Variants in FANCD2OS observed in about 807,000 individuals in gnomAD.
FANCD2OS encodes FANCD2 opposite strand, also known as FANCD2 opposite strand protein.
Under a neutral mutation model 13.2 loss-of-function variants are expected in FANCD2OS, and 11 were observed. The ratio of observed to expected loss-of-function variants is 0.83; its 90% CI spans 0.52 to 1.38. FANCD2OS has a LOEUF of 1.38. Ranked by LOEUF, FANCD2OS falls within the 40% of genes most tolerant of loss-of-function variation. The pLI, the probability that FANCD2OS is intolerant of heterozygous loss-of-function variation, is 0.00. For missense variants in FANCD2OS, 217 were observed against 213.9 expected (o/e 1.01, Z -0.09); for synonymous variants, 69 against 84.5 (o/e 0.82, Z 1.01).
chr3:10,107,209 T>C (rs1695519569), intron 1 of FANCD2OS, among the ~76,000 whole-genome samples: 1 of 152,054 alleles, frequency 6.6e-6, no homozygotes, highest in Non-Finnish European at 1.5e-5. Context: ...GGGCGGAGGG[T>C]ATGAATGCTG....
At chr3:10,104,969 A>G (rs1228892021) in intron 1 of FANCD2OS, among the ~76,000 whole-genome samples, 187 bp from the exon 2 acceptor site, 2 of 152,056 alleles carry the variant, frequency 1.3e-5, no homozygotes, top group African/African-American at 4.8e-5. Flanking sequence ...TTTTTGAGAC[A>G]AGAGTCTCGC....
In FANCD2OS at chr3:10,094,296, G is replaced by A. The variant is rs781701459; in HGVS notation, c.*43+9902C>T. The A allele has an allele frequency of 2.0e-5, 33 of 1,613,670 alleles. No homozygotes were observed. The highest frequency in any genetic ancestry group is 1.1e-4 in the East Asian group (5 of 44,892). ...TGTGTCTCTCTTCTTCAGTATGGGC[G>A]TCTCTTTGTGGAAGCATTTCTGAAG... On this transcript the variant is annotated intron_variant, in intron 2 of 2. Coordinates refer to the FANCD2OS transcript ENST00000524279.
At chr3:10,094,464 C>T (rs887246650) in intron 2 of FANCD2OS, 1 of 971,728 alleles carries the variant, frequency 1.0e-6, no homozygotes, top group Admixed American at 1.7e-5. Context: ...TCTACCTGGG[C>T]TCCTCTGGTC....
downstream of FANCD2OS, among the ~76,000 whole-genome samples, chr3:10,099,923 G>C (rs917085630): frequency 6.6e-6 from 1 of 151,630 alleles, no homozygotes; most frequent in Non-Finnish European, 1.5e-5. Flanking sequence ...TGGCCTGATG[G>C]GGTGGCTCAC....
chr3:10,097,003 G>A (rs1200484648), intron 2 of FANCD2OS, among the ~76,000 whole-genome samples: 2 of 152,244 alleles, frequency 1.3e-5, no homozygotes, highest in South Asian at 2.1e-4. Flanking sequence ...CTGGGCGTCC[G>A]GGGGAGACAT....
chr3:10,103,387 A>C (rs943486728), downstream of FANCD2OS, among the ~76,000 whole-genome samples: 1 of 152,092 alleles, frequency 6.6e-6, no homozygotes, highest in African/African-American at 2.4e-5. Context: ...GGGCAACAAG[A>C]GCAAAACTCC....
At chr3:10,098,204 C>T (rs1218967294), downstream of FANCD2OS, among the ~76,000 whole-genome samples, 1 of 152,076 alleles carries the variant, frequency 6.6e-6, no homozygotes, top group Non-Finnish European at 1.5e-5. Flanking sequence ...ACTATTGTTT[C>T]TGCATAAAAA....
downstream of FANCD2OS, among the ~76,000 whole-genome samples, chr3:10,100,405 CCTCT>C (rs1695230466): frequency 6.6e-6 from 1 of 152,080 alleles, no homozygotes; most frequent in Non-Finnish European, 1.5e-5. Context: ...ACGGAGTCTC[CCTCT>C]GTCGCCCAGG....
In FANCD2OS at chr3:10,105,815, T is replaced by TAG. The variant is rs1559415300; in HGVS notation, c.-8-1034_-8-1033insCT. On this transcript the variant is annotated intron_variant, in intron 1 of 1. Transcript: ENST00000450660. ...ATATATATATATATATATATATATA[T>TAG]ATATATTTTGAGGTTCGCGATGTAT... Among the ~76,000 whole-genome samples the TAG allele has an allele frequency of 9.9e-5, 8 of 81,038 alleles. 1 individual carries two copies. Among genetic ancestry groups the TAG allele is most frequent in the African/African-American group, 4.4e-4 (8 of 18,052 alleles). The allele number at this position is 81,038 out of a possible 152,430, so 53.2% of individuals were successfully genotyped here.
At chr3:10,102,621 C>A (rs569787596), downstream of FANCD2OS, among the ~76,000 whole-genome samples, 1 of 150,316 alleles carries the variant, frequency 6.7e-6, no homozygotes, top group Non-Finnish European at 1.5e-5. Flanking sequence ...TCCAGGAGAT[C>A]CAGGAGATCA....
chr3:10,104,953 T>C (rs1695429935), intron 1 of FANCD2OS, among the ~76,000 whole-genome samples, 171 bp from the exon 2 acceptor site: 1 of 152,182 alleles, frequency 6.6e-6, no homozygotes, highest in African/African-American at 2.4e-5. Context: ...TTATTTTATT[T>C]TTTCTTTTTT....
At chr3:10,105,766 AAAAAAT>A (rs1325914518) in intron 1 of FANCD2OS, among the ~76,000 whole-genome samples, 818 of 58,658 alleles carry the variant, frequency 0.014, 70 homozygotes, top group African/African-American at 0.079. Flanking sequence ...AAAAAAAAAA[AAAAAAT>A]TATATATATA....
At chr3:10,088,683 C>T (rs982259285) in intron 2 of FANCD2OS, 7 of 1,098,144 alleles carry the variant, frequency 6.4e-6, no homozygotes, top group East Asian at 4.8e-5. Context: ...CAATTTGGAA[C>T]ATGTGGATCT....
intron 2 of FANCD2OS, among the ~76,000 whole-genome samples, chr3:10,087,954 C>A (rs768775835): frequency 1.3e-5 from 2 of 152,164 alleles, no homozygotes; most frequent in Non-Finnish European, 2.9e-5. Flanking sequence ...GCCCTGGCCT[C>A]TTTCTTAAAC....
chr3:10,104,901 A>G (rs1436546567), intron 1 of FANCD2OS, 119 bp from the exon 2 acceptor site: 2 of 733,868 alleles, frequency 2.7e-6, no homozygotes, highest in African/African-American at 3.5e-5. Flanking sequence ...GTTCCCATGA[A>G]TAGATTCCAA....
chr3:10,088,562 C>A, intron 2 of FANCD2OS: 1 of 1,498,204 alleles, frequency 6.7e-7, no homozygotes, highest in Non-Finnish European at 9.3e-7. Context: ...TTGGTTTCTT[C>A]CAATGAGCCA....
chr3:10,084,290 C>CTTTT (rs112071263), intron 2 of FANCD2OS, among the ~76,000 whole-genome samples: 1 of 142,858 alleles, frequency 7.0e-6, no homozygotes, highest in African/African-American at 2.6e-5. Flanking sequence ...CTACACCTGG[C>CTTTT]TTTTTTTTTT....
intron 2 of FANCD2OS, among the ~76,000 whole-genome samples, chr3:10,084,984 C>T (rs978995690): frequency 3.9e-5 from 6 of 152,046 alleles, no homozygotes; most frequent in Non-Finnish European, 1.5e-5. Context: ...TTGATAGGGG[C>T]CTGGCCAAAA....
downstream of FANCD2OS, chr3:10,098,852 G>A (rs376442380): frequency 1.4e-4 from 233 of 1,614,030 alleles, no homozygotes; most frequent in Non-Finnish European, 1.9e-4. Context: ...TGGCACTGAT[G>A]GTTGCATTTT....
Sources: gnomAD v4.1 joint callset for allele counts (sites outside exome capture counted in the v4.1 genomes callset) on GRCh38, gnomAD v4.1.1 for gene constraint, MANE v1.5 for transcripts, NCBI Gene and HGNC (gene_info 2026-07-23, HGNC 2026-07-21) for gene names.